The following KIF13A variants were observed in gnomAD, a reference collection of about 807,000 sequenced individuals.
KIF13A encodes the protein kinesin-like protein KIF13A.
KIF13A carries 79 observed loss-of-function variants against 212.2 expected under a neutral mutation model. That is an observed-to-expected ratio of 0.37 (90% CI 0.31 to 0.45). The LOEUF is 0.45. KIF13A is among the 20% of genes least tolerant of loss of function. The pLI, the probability that KIF13A is intolerant of heterozygous loss-of-function variation, is 1.00. For synonymous variants in KIF13A, 789 were observed against 808.6 expected, an observed-to-expected ratio of 0.98 and a Z score of 0.41; for missense variants, 1,901 against 2,209.0, an observed-to-expected ratio of 0.86 and a Z score of 2.79.
At chr6:17,880,618 A>G (rs2150449441) in intron 3 of KIF13A, among the ~76,000 whole-genome samples, 1 of 123,618 alleles carries the variant, frequency 8.1e-6, no homozygotes, top group East Asian at 2.4e-4. Flanking sequence ...ACAGGGCGAG[A>G]CTCTGTCTCA....
chr6:17,844,616 GT>G (rs1766842763), intron 9 of KIF13A, among the ~76,000 whole-genome samples: 1 of 152,214 alleles, frequency 6.6e-6, no homozygotes, highest in South Asian at 2.1e-4. Context: ...AGGAACTAAT[GT>G]TAGACAAAAA....
rs1368013834 is a variant in KIF13A, at chr6:17,963,078, C to T, written c.146+23976G>A. 6.6e-6 allele frequency among the ~76,000 whole-genome samples: 1 copy of T among 152,170 alleles called. No individual in the cohort carries two copies. Among genetic ancestry groups the T allele is most frequent in the Non-Finnish European group, 1.5e-5 (1 of 68,028 alleles). ...GTCTAGTCATCAAATAATTTTGCTT[C>T]CCTTTAAATGTTGTGACCAATGGAA... On this transcript the variant is annotated intron_variant, in intron 2 of 38. Coordinates refer to ENST00000259711, the MANE Select transcript of KIF13A (RefSeq NM_022113.6). This position sits in a 1 kb window ranked among gnomAD's most constrained non-coding sequence, Gnocchi z 4.1.
intron 2 of KIF13A, among the ~76,000 whole-genome samples, chr6:17,969,737 T>C (rs1779640786): frequency 6.6e-6 from 1 of 152,194 alleles, no homozygotes; most frequent in African/African-American, 2.4e-5. Flanking sequence ...GAATATATTT[T>C]ACCCCAGAAC....
At chr6:17,867,097 C>T (rs1769479384) in intron 4 of KIF13A, among the ~76,000 whole-genome samples, 1 of 151,978 alleles carries the variant, frequency 6.6e-6, no homozygotes. Context: ...CTGAGTTATG[C>T]TTGTACAAAG....
Position 17,773,843 on chromosome 6 carries a change from T to A in KIF13A, c.4219-260A>T, listed in dbSNP as rs369878519. Reference sequence around the variant, plus strand: ...TAAAATTATTACAAATGTAGTGTGATCTTTTGGTCCCATTCATCTTCCTTC... The same window carrying A: ...TAAAATTATTACAAATGTAGTGTGAACTTTTGGTCCCATTCATCTTCCTTC... On this transcript the variant is annotated intron_variant, in intron 35 of 38. Transcript: ENST00000259711. This position sits in a 1 kb window ranked among gnomAD's most constrained non-coding sequence, Gnocchi z 4.2. Among the ~76,000 whole-genome samples, 6 of 152,330 alleles carry A rather than the reference T, an allele frequency of 3.9e-5. No homozygotes were observed. In the East Asian group the frequency reaches 9.6e-4, roughly 24 times the overall value.
In KIF13A at chr6:17,926,394, G is replaced by A. The variant is rs577102075; in HGVS notation, c.147-28214C>T. 1.3e-4 allele frequency among the ~76,000 whole-genome samples: 20 copies of A among 152,018 alleles called. No homozygotes were observed. Among genetic ancestry groups the A allele is most frequent in the Admixed American group, 5.2e-4 (8 of 15,266 alleles). On this transcript the variant is annotated intron_variant, in intron 2 of 38. Coordinates refer to ENST00000259711, the MANE Select transcript of KIF13A (RefSeq NM_022113.6). This position sits in a 1 kb window ranked among gnomAD's most constrained non-coding sequence, Gnocchi z 4.3. ...ATAACAGGCACGCACCACCACACCC[G>A]GCTAATTTTTGTATTTTTAGTAGAG...
chr6:17,978,563 T>C (rs1054193499), intron 2 of KIF13A, among the ~76,000 whole-genome samples: 6 of 152,252 alleles, frequency 3.9e-5, no homozygotes, highest in African/African-American at 1.2e-4. Context: ...ATGTCTTGTT[T>C]ATTTCTCTGC....
intron 25 of KIF13A, among the ~76,000 whole-genome samples, chr6:17,792,038 A>G (rs1235979435): frequency 1.3e-5 from 2 of 151,906 alleles, no homozygotes; most frequent in South Asian, 4.2e-4. Flanking sequence ...CCCTATCTCT[A>G]CTAAAAATAC....
rs1772664269 is a variant in KIF13A, at chr6:17,897,340, A to T, written c.159+828T>A. On this transcript the variant is annotated intron_variant, in intron 3 of 38. Coordinates refer to ENST00000259711, the MANE Select transcript of KIF13A (RefSeq NM_022113.6). The surrounding 1 kb of genome is among the most constrained non-coding windows in gnomAD (Gnocchi z 4.8). Reference sequence around the variant, plus strand: ...AGCCTGTTCTAATCCTATCTCAAGAACCACAGCTATAATCAGTATCACTGG... The same window carrying T: ...AGCCTGTTCTAATCCTATCTCAAGATCCACAGCTATAATCAGTATCACTGG... Among the ~76,000 whole-genome samples the T allele has an allele frequency of 6.6e-6, 1 of 152,220 alleles. No homozygotes were observed. The highest frequency in any genetic ancestry group is 2.4e-5 in the African/African-American group (1 of 41,450).
rs533927436 is a variant in KIF13A at position 17,789,014 on chromosome 6, C to T, written c.3261+858G>A. Among the ~76,000 whole-genome samples the T allele has an allele frequency of 6.6e-5, 10 of 152,330 alleles. No homozygotes were observed. Among genetic ancestry groups the T allele is most frequent in the South Asian group, 6.2e-4 (3 of 4,824 alleles). On this transcript the variant is annotated intron_variant, in intron 26 of 38. Transcript: ENST00000259711. The surrounding 1 kb of genome is among the most constrained non-coding windows in gnomAD (Gnocchi z 4.8). ...CTGGGATTACAGGCGTGAGCCACCA[C>T]GCCCAGCCACTGTACCCACATTTTA...
intron 3 of KIF13A, among the ~76,000 whole-genome samples, chr6:17,894,858 T>G (rs1772419799): frequency 6.6e-6 from 1 of 152,144 alleles, no homozygotes; most frequent in Non-Finnish European, 1.5e-5. Context: ...CAGCTGTTAC[T>G]AATAATAGTA....
chr6:17,952,492 G>T (rs986231044), intron 2 of KIF13A, among the ~76,000 whole-genome samples: 7 of 151,904 alleles, frequency 4.6e-5, no homozygotes, highest in Middle Eastern at 3.4e-3. Context: ...AATTAGCAAG[G>T]CTTAGTAGTG....
At chr6:17,823,120 T>C (rs1422867023) in intron 16 of KIF13A, among the ~76,000 whole-genome samples, 1 of 151,226 alleles carries the variant, frequency 6.6e-6, no homozygotes, top group Non-Finnish European at 1.5e-5. Flanking sequence ...CACTGCAACC[T>C]CCACCTCCCG....
chr6:17,923,177 G>A (rs1775227728), intron 2 of KIF13A, among the ~76,000 whole-genome samples: 1 of 151,936 alleles, frequency 6.6e-6, no homozygotes, highest in African/African-American at 2.4e-5. Flanking sequence ...AGGAGGCTGA[G>A]GCAGGAGAAT....
rs1462315013 is a variant in KIF13A, at chr6:17,971,836, A to G, written c.146+15218T>C. Among the ~76,000 whole-genome samples the G allele has an allele frequency of 2.6e-5, 4 of 152,198 alleles. No homozygotes were observed. The highest frequency in any genetic ancestry group is 2.9e-5 in the Non-Finnish European group (2 of 68,034). Reference sequence around the variant, plus strand: ...TAAAAATCCTTAAGTCTGAGAACCAATGAGCAAGGGCAGCTAACAGTCACT... The same window carrying G: ...TAAAAATCCTTAAGTCTGAGAACCAGTGAGCAAGGGCAGCTAACAGTCACT... On this transcript the variant is annotated intron_variant, in intron 2 of 38. Coordinates refer to ENST00000259711, the MANE Select transcript of KIF13A (RefSeq NM_022113.6). The surrounding 1 kb of genome is among the most constrained non-coding windows in gnomAD (Gnocchi z 4.2).
rs112683346 is a variant in KIF13A at position 17,951,437 on chromosome 6, TAA to T, written c.146+35615_146+35616del. 0.013 allele frequency: 5,960 copies of T among 467,174 alleles called. No individual in the cohort carries two copies. The highest frequency in any genetic ancestry group is 0.034 in the South Asian group (1,076 of 31,814). 28.9% of individuals were successfully genotyped at this position (467,174 alleles called of 1,614,324 possible). A position where few individuals can be genotyped will look rare whatever the true frequency, so the allele number is the denominator to read the frequency against. On this transcript the variant is annotated intron_variant, in intron 2 of 38. Coordinates refer to ENST00000259711, the MANE Select transcript of KIF13A (RefSeq NM_022113.6). The surrounding 1 kb of genome is among the most constrained non-coding windows in gnomAD (Gnocchi z 4.9). ...TGAGCCACTGTGACCAGCCTCAATT[TAA>T]AAAAAAAAAAAAAACAGCTTTAAGA...
intron 2 of KIF13A, among the ~76,000 whole-genome samples, chr6:17,958,281 G>A (rs1006362208): frequency 4.6e-5 from 7 of 152,310 alleles, no homozygotes; most frequent in Middle Eastern, 3.4e-3. Context: ...AAAAGATACT[G>A]AAGGGGTTTG....
intron 4 of KIF13A, among the ~76,000 whole-genome samples, chr6:17,858,755 G>A (rs80298008): frequency 0.025 from 3,841 of 152,144 alleles, 70 homozygotes; most frequent in Non-Finnish European, 0.04. Flanking sequence ...GCAGCTGATT[G>A]GAGCAATCCT....
In KIF13A at chr6:17,914,166, A is replaced by G. The variant is rs1774302335; in HGVS notation, c.147-15986T>C. Among the ~76,000 whole-genome samples the G allele has an allele frequency of 6.6e-6, 1 of 152,230 alleles. No homozygotes were observed. The highest frequency in any genetic ancestry group is 2.4e-5 in the African/African-American group (1 of 41,464). ...TCTTAGTCTAAAGAATGTTCAGGTT[A>G]GAAGGCAAATCTCAAGTACCCATTA... On this transcript the variant is annotated intron_variant, in intron 2 of 38. Coordinates refer to ENST00000259711, the MANE Select transcript of KIF13A (RefSeq NM_022113.6). The surrounding 1 kb of genome is among the most constrained non-coding windows in gnomAD (Gnocchi z 5.9).
Sources: gnomAD v4.1 joint callset for allele counts (sites outside exome capture counted in the v4.1 genomes callset) on GRCh38, gnomAD v4.1.1 for gene constraint, Gnocchi (gnomAD v3.1) non-coding constraint, MANE v1.5 for transcripts, NCBI Gene and HGNC (gene_info 2026-07-23, HGNC 2026-07-21) for gene names.